Variants in ATP6V1H observed in about 807,000 individuals in gnomAD.
ATP6V1H encodes ATPase H+ transporting V1 subunit H.
Under a neutral mutation model 71.7 loss-of-function variants are expected in ATP6V1H, and 39 were observed. The ratio of observed to expected loss-of-function variants is 0.54; its 90% CI spans 0.42 to 0.71. The LOEUF is 0.71. ATP6V1H is among the 30% of genes least tolerant of loss of function. The probability of loss-of-function intolerance (pLI) is 0.00; values close to 1 mark genes in which losing one functional copy is unlikely to be tolerated. For synonymous variants in ATP6V1H, 192 were observed against 199.3 expected (o/e 0.96, Z 0.31); for missense variants, 509 against 594.9 (o/e 0.86, Z 1.50).
chr8:53,788,131 C>G (rs1225848016), intron 9 of ATP6V1H, among the ~76,000 whole-genome samples: 3 of 152,072 alleles, frequency 2.0e-5, no homozygotes, highest in Non-Finnish European at 2.9e-5. Flanking sequence ...AATTTTAGTT[C>G]CACTGTACAT....
chr8:53,756,342 A>T (rs1808062243), intron 12 of ATP6V1H: 3 of 327,876 alleles, frequency 9.1e-6, no homozygotes, highest in Non-Finnish European at 1.6e-5. Context: ...TCGGCCTCCC[A>T]AAGTGGTGGT....
At chr8:53,755,775 T>G (rs1490482242) in intron 12 of ATP6V1H, among the ~76,000 whole-genome samples, 2 of 76,504 alleles carry the variant, frequency 2.6e-5, no homozygotes, top group African/African-American at 1.1e-4. Context: ...TTTTTTTTTT[T>G]GAGACGGAGT....
intron 11 of ATP6V1H, among the ~76,000 whole-genome samples, chr8:53,757,749 C>T (rs573024504): frequency 4.6e-5 from 7 of 152,258 alleles, no homozygotes; most frequent in African/African-American, 9.6e-5. Flanking sequence ...TAAGAGCCCA[C>T]GATTACCCTA....
chr8:53,750,898 T>G, intron 12 of ATP6V1H, among the ~76,000 whole-genome samples: 1 of 152,244 alleles, frequency 6.6e-6, no homozygotes, highest in East Asian at 1.9e-4. Flanking sequence ...ACTGATTTAC[T>G]TGCTTCAGCA....
chr8:53,833,554 G>GAA (rs770822594), intron 2 of ATP6V1H, among the ~76,000 whole-genome samples: 2 of 134,612 alleles, frequency 1.5e-5, no homozygotes, highest in Admixed American at 7.5e-5. Context: ...CCTCCAGACA[G>GAA]AAAAAAAAAA....
intron 12 of ATP6V1H, among the ~76,000 whole-genome samples, chr8:53,752,544 G>C (rs934615337): frequency 4.6e-5 from 7 of 152,150 alleles, no homozygotes; most frequent in African/African-American, 1.4e-4. Flanking sequence ...ACTGAGTATA[G>C]ATACTTTCTT....
intron 13 of ATP6V1H, among the ~76,000 whole-genome samples, chr8:53,737,328 T>C (rs1807253583): frequency 6.6e-6 from 1 of 152,132 alleles, no homozygotes; most frequent in South Asian, 2.1e-4. Context: ...TGTCTGTAAT[T>C]AGAGACAATT....
At chr8:53,819,825 T>C (rs1205365205) in intron 4 of ATP6V1H, among the ~76,000 whole-genome samples, 2 of 147,550 alleles carry the variant, frequency 1.4e-5, no homozygotes, top group Non-Finnish European at 3.0e-5. Flanking sequence ...TGTGTATATA[T>C]ATACACACAC....
At chr8:53,822,046 A>G (rs1200179197) in intron 4 of ATP6V1H, among the ~76,000 whole-genome samples, 4 of 152,184 alleles carry the variant, frequency 2.6e-5, no homozygotes, top group Non-Finnish European at 4.4e-5. Flanking sequence ...AAAGAGCAAA[A>G]TGGTCTCAAA....
rs4013980 is a variant in ATP6V1H at position 53,762,262 on chromosome 8, T to TA, written c.1176-5607dup. Among the ~76,000 whole-genome samples, 627 of 142,926 alleles carry TA rather than the reference T, an allele frequency of 4.4e-3. 2 individuals are homozygous for TA. Among genetic ancestry groups the TA allele is most frequent in the African/African-American group, 0.012 (459 of 39,236 alleles). The allele number at this position is 142,926 out of a possible 152,430, so 93.8% of individuals were successfully genotyped here. The stretch of plus-strand genomic sequence containing the variant: ...TGTAATACAAGATCTATAGGAACAC[T>TA]AAAAAAAAAAAATCACACACAAAGG... On this transcript the variant is annotated intron_variant, in intron 11 of 13. Transcript: ENST00000359530.
At chr8:53,729,083 G>A (rs968867615) in intron 13 of ATP6V1H, among the ~76,000 whole-genome samples, 4 of 152,070 alleles carry the variant, frequency 2.6e-5, no homozygotes, top group Admixed American at 2.6e-4. Flanking sequence ...CTGGAGATTC[G>A]AGGGCAGAGG....
intron 12 of ATP6V1H, among the ~76,000 whole-genome samples, chr8:53,745,424 C>CA (rs1807565095): frequency 6.6e-6 from 1 of 151,854 alleles, no homozygotes; most frequent in Admixed American, 6.6e-5. Flanking sequence ...AAAAATAAAA[C>CA]AAAGGACCCA....
chr8:53,842,798 C>G (rs1487517392), intron 1 of ATP6V1H: 2 of 152,334 alleles, frequency 1.3e-5, no homozygotes, highest in Non-Finnish European at 2.9e-5. Context: ...TTACCCCTCC[C>G]CCTCCACTCT....
chr8:53,748,239 T>C (rs914690466), intron 12 of ATP6V1H, among the ~76,000 whole-genome samples: 1 of 152,002 alleles, frequency 6.6e-6, no homozygotes, highest in Non-Finnish European at 1.5e-5. Flanking sequence ...TCAACAAATA[T>C]TCCTACGGAT....
At chr8:53,716,418 T>C (rs1357827226) in intron 13 of ATP6V1H, among the ~76,000 whole-genome samples, 1 of 152,212 alleles carries the variant, frequency 6.6e-6, no homozygotes, top group African/African-American at 2.4e-5. Context: ...TCACCTCAAT[T>C]ACGATTCTGA....
At chr8:53,834,516 C>G (rs1392727758) in intron 2 of ATP6V1H, among the ~76,000 whole-genome samples, 1 of 152,206 alleles carries the variant, frequency 6.6e-6, no homozygotes, top group Non-Finnish European at 1.5e-5. Flanking sequence ...ACCTCTGCCT[C>G]CTGGGTTCAA....
At position 53,769,620 on chromosome 8, in the gene ATP6V1H, C is replaced by T. The variant is rs1808585053; in HGVS notation, c.1173G>A (p.Leu391=). 1.2e-6 allele frequency: 2 copies of T among 1,611,284 alleles called. No homozygotes were observed. Among genetic ancestry groups the T allele is most frequent in the South Asian group, 1.1e-5 (1 of 90,524 alleles). Residue 391 remains leucine (L), a splice_region_variant and synonymous_variant, in exon 11 of 14, where the codon TTG becomes TTA. Coordinates refer to ENST00000359530, the MANE Select transcript of ATP6V1H (RefSeq NM_015941.4). ...GTAAAGTAGAACAAAAAACTTACTT[C>T]AAGAGTTCATAATTCTTCTCATTTA... ...VRLNEKNYEL[L]KILTKLLEVS... is the part of the protein sequence containing the mutation.
chr8:53,839,317 T>A (rs1287104023), intron 2 of ATP6V1H, among the ~76,000 whole-genome samples: 1 of 152,184 alleles, frequency 6.6e-6, no homozygotes, highest in African/African-American at 2.4e-5. Flanking sequence ...AAATGCACTC[T>A]GGACTAAAGA....
chr8:53,793,569 G>A (rs536935754), intron 9 of ATP6V1H, among the ~76,000 whole-genome samples: 1 of 152,106 alleles, frequency 6.6e-6, no homozygotes, highest in East Asian at 1.9e-4. Context: ...CCCTCAAGCT[G>A]AGGAGTCCGA....
Sources: gnomAD v4.1 joint callset for allele counts (sites outside exome capture counted in the v4.1 genomes callset) on GRCh38, gnomAD v4.1.1 for gene constraint, MANE v1.5 for transcripts, NCBI Gene and HGNC (gene_info 2026-07-23, HGNC 2026-07-21) for gene names.